The following RABEP1 variants were observed in gnomAD, a reference collection of about 807,000 sequenced individuals.
RABEP1 encodes the protein rab GTPase-binding effector protein 1.
RABEP1 carries 51 observed loss-of-function variants against 123.4 expected under a neutral mutation model. The ratio of observed to expected loss-of-function variants is 0.41; its 90% CI spans 0.33 to 0.52. RABEP1 has a LOEUF of 0.52. Among genes scored for constraint, RABEP1 ranks in the 20% least tolerant of loss-of-function variants. RABEP1 has a pLI of 0.16. For missense variants in RABEP1, 888 were observed against 996.3 expected (o/e 0.89, Z 1.46); for synonymous variants, 347 against 355.2 (o/e 0.98, Z 0.26).
rs572503791 is a variant in RABEP1, at chr17:5,370,596, T to C, written c.1884+2128T>C. 5.6e-4 allele frequency among the ~76,000 whole-genome samples: 86 copies of C among 152,310 alleles called. 1 individual carries two copies. In the South Asian group the frequency reaches 0.018, roughly 32 times the overall value. ...GTTTCAGGCCATCTGTCTTGTAGAA[T>C]TCATTTGTCTGATTATCTCCTTGTG... On this transcript the variant is annotated intron_variant, in intron 12 of 17. Transcript: ENST00000537505.
rs1442543171 is a variant in RABEP1 at position 5,383,877 on chromosome 17, GGC to G, written c.*655_*656del. On this transcript the variant is annotated 3_prime_UTR_variant, in exon 18 of 18. Coordinates refer to ENST00000537505, the MANE Select transcript of RABEP1 (RefSeq NM_004703.6). Reference sequence around the variant, plus strand: ...ATTAATGATGAGGATCTGAAAACTTGGCTGGGGCTATATATACTGGAAGTTGA... The same window carrying G: ...ATTAATGATGAGGATCTGAAAACTTGTGGGGCTATATATACTGGAAGTTGA... 1.8e-5 allele frequency: 4 copies of G among 223,582 alleles called. No homozygotes were observed. Among genetic ancestry groups the G allele is most frequent in the African/African-American group, 9.0e-5 (4 of 44,684 alleles). 13.8% of individuals were successfully genotyped at this position (223,582 alleles called of 1,614,324 possible).
At chr17:5,325,446 A>G (rs1274166744) in intron 2 of RABEP1, among the ~76,000 whole-genome samples, 1 of 152,186 alleles carries the variant, frequency 6.6e-6, no homozygotes, top group Non-Finnish European at 1.5e-5. Flanking sequence ...CAAGTATCAC[A>G]TGGTCTCACT....
chr17:5,365,893 A>G (rs1909964076), intron 11 of RABEP1, among the ~76,000 whole-genome samples: 1 of 152,224 alleles, frequency 6.6e-6, no homozygotes, highest in African/African-American at 2.4e-5. Context: ...CATTATACGG[A>G]TATACCGCAA....
At chr17:5,290,832 A>G (rs1363859274) in intron 1 of RABEP1, among the ~76,000 whole-genome samples, 1 of 151,968 alleles carries the variant, frequency 6.6e-6, no homozygotes, top group Admixed American at 6.6e-5. Flanking sequence ...CTGGCCTCAA[A>G]TGATCTGCCC....
rs562506049 is a variant in RABEP1 at position 5,383,557 on chromosome 17, G to A, written c.*334G>A. On this transcript the variant is annotated 3_prime_UTR_variant, in exon 18 of 18. Transcript: ENST00000537505. ...GGAACACATTTCCCTACCCTAAAGC[G>A]ACATCCCAGTAGTGTTTGGAATTTT... is the stretch of plus-strand genomic sequence containing the variant. 284 of 347,082 alleles carry A rather than the reference G, an allele frequency of 8.2e-4. No individual in the cohort carries two copies. Among genetic ancestry groups the A allele is most frequent in the Non-Finnish European group, 1.3e-3 (243 of 185,654 alleles). 21.5% of individuals were successfully genotyped at this position (347,082 alleles called of 1,614,324 possible).
At position 5,361,086 on chromosome 17, in the gene RABEP1, TGTG is replaced by T. The variant is rs2144674799; in HGVS notation, c.1096-121_1096-119del. The T allele has an allele frequency of 3.5e-6, 3 of 860,048 alleles. No individual in the cohort carries two copies. The East Asian group carries it at 7.8e-5, about 22-fold the overall frequency. 53.3% of individuals were successfully genotyped at this position (860,048 alleles called of 1,614,324 possible). The stretch of plus-strand genomic sequence containing the variant: ...ACACTTAGTGTTTGTTCAATGAGTC[TGTG>T]AAGGTAGCACATTAATGATTATCAT... On this transcript the variant is annotated intron_variant, in intron 8 of 17. Transcript: ENST00000537505.
intron 1 of RABEP1, among the ~76,000 whole-genome samples, chr17:5,297,142 A>G (rs1034512123): frequency 6.6e-5 from 10 of 152,172 alleles, no homozygotes; most frequent in African/African-American, 2.2e-4. Flanking sequence ...ATACATATCT[A>G]TGATTATTTC....
At chr17:5,381,899 C>CTCCTT (rs149664910) in intron 17 of RABEP1, among the ~76,000 whole-genome samples, 2,643 of 152,226 alleles carry the variant, frequency 0.017, 69 homozygotes, top group African/African-American at 0.061. Context: ...CCCCTCCTGA[C>CTCCTT]TCCTTTCTTT....
intron 2 of RABEP1, among the ~76,000 whole-genome samples, chr17:5,323,799 AATAT>A (rs1190446236): frequency 1.9e-5 from 2 of 104,478 alleles, no homozygotes; most frequent in Non-Finnish European, 3.5e-5. Context: ...TATATCTAGG[AATAT>A]ATATATATAT....
chr17:5,355,174 C>A (rs1908909266), intron 8 of RABEP1, among the ~76,000 whole-genome samples: 3 of 152,212 alleles, frequency 2.0e-5, no homozygotes, highest in Admixed American at 2.0e-4. Flanking sequence ...CATTGACTCC[C>A]ATTACCTATA....
chr17:5,372,984 C>T (rs892934493), intron 12 of RABEP1, among the ~76,000 whole-genome samples: 1 of 152,134 alleles, frequency 6.6e-6, no homozygotes, highest in African/African-American at 2.4e-5. Flanking sequence ...TCTCAAACTC[C>T]TGAGCTCAGG....
chr17:5,354,264 C>T lies in RABEP1; in HGVS notation c.964-95C>T, dbSNP rs117308914. ...AGTATCCAGTTTTCTCTTATCATAACGCTCTGTTCTTTATTTGTTTTGAAT... is the reference window on the plus strand; with the variant it reads ...AGTATCCAGTTTTCTCTTATCATAATGCTCTGTTCTTTATTTGTTTTGAAT... On this transcript the variant is annotated intron_variant, in intron 7 of 17. Transcript: ENST00000537505. 178 of 1,162,202 alleles carry T rather than the reference C, an allele frequency of 1.5e-4. 2 individuals carry two copies. In the Middle Eastern group the frequency reaches 2.1e-3, roughly 13 times the overall value. 72.0% of individuals were successfully genotyped at this position (1,162,202 alleles called of 1,614,324 possible).
chr17:5,374,337 T>A (rs1297839825), intron 13 of RABEP1, among the ~76,000 whole-genome samples: 1 of 151,978 alleles, frequency 6.6e-6, no homozygotes, highest in East Asian at 1.9e-4. Flanking sequence ...GATGGCACTT[T>A]TGGTCACTTA....
intron 8 of RABEP1, among the ~76,000 whole-genome samples, chr17:5,356,084 T>G (rs1038841321): frequency 6.6e-6 from 1 of 152,252 alleles, no homozygotes; most frequent in Non-Finnish European, 1.5e-5. Flanking sequence ...GCTGGTGTTT[T>G]GCAGTTTGAA....
intron 1 of RABEP1, among the ~76,000 whole-genome samples, chr17:5,296,437 A>G (rs2075084485): frequency 6.6e-6 from 1 of 151,906 alleles, no homozygotes; most frequent in African/African-American, 2.4e-5. Context: ...CTAATTTTGT[A>G]TTTTTAGTAG....
intron 1 of RABEP1, among the ~76,000 whole-genome samples, chr17:5,291,451 AT>A (rs1189134244): frequency 6.6e-6 from 1 of 152,118 alleles, no homozygotes; most frequent in South Asian, 2.1e-4. Flanking sequence ...TCTGTCCTTT[AT>A]TTTTTTATTC....
chr17:5,367,030 A>C (rs564601408), intron 11 of RABEP1, among the ~76,000 whole-genome samples: 9 of 151,168 alleles, frequency 6.0e-5, no homozygotes, highest in Non-Finnish European at 1.2e-4. Context: ...CGGAGGTTGC[A>C]GTGAGCCAAG....
At chr17:5,315,709 G>A (rs1040835534) in intron 2 of RABEP1, among the ~76,000 whole-genome samples, 29 of 152,170 alleles carry the variant, frequency 1.9e-4, no homozygotes, top group African/African-American at 5.1e-4. Context: ...AAAACTAGCC[G>A]AGCATGGTGG....
At chr17:5,337,455 G>A (rs1907200413) in intron 4 of RABEP1, among the ~76,000 whole-genome samples, 1 of 152,162 alleles carries the variant, frequency 6.6e-6, no homozygotes, top group South Asian at 2.1e-4. Context: ...GGAGGCCGAG[G>A]CGGGCGGATC....
Sources: gnomAD v4.1 joint callset for allele counts (sites outside exome capture counted in the v4.1 genomes callset) on GRCh38, gnomAD v4.1.1 for gene constraint, MANE v1.5 for transcripts, NCBI Gene and HGNC (gene_info 2026-07-23, HGNC 2026-07-21) for gene names.